ZNF184: variants seen among roughly 807,000 people sequenced by gnomAD.
The protein encoded by ZNF184 is zinc finger protein 184 (Kruppel-like).
ZNF184 carries 16 observed loss-of-function variants against 54.4 expected under a neutral mutation model. The observed-to-expected ratio is 0.29, with a 90% CI of 0.20 to 0.45. The LOEUF (loss-of-function observed/expected upper bound fraction) is 0.45. ZNF184 is among the 20% of genes least tolerant of loss of function. The pLI is 1.00. For synonymous variants in ZNF184, 254 were observed against 295.3 expected (o/e 0.86, Z 1.43); for missense variants, 681 against 888.2 (o/e 0.77, Z 2.97).
chr6:27,453,347 A>G lies in ZNF184; in HGVS notation c.299-87T>C. On this transcript the variant is annotated intron_variant, in intron 5 of 5. Coordinates refer to ENST00000683788, the MANE Select transcript of ZNF184 (RefSeq NM_001318891.2). The surrounding 1 kb of genome is among the most constrained non-coding windows in gnomAD (Gnocchi z 4.7). ...GAATAATATAATGATACTGAAAAAT[A>G]AATCTCTCAGAAAATTCTAATGGTT... 7.7e-7 allele frequency: 1 copy of G among 1,304,202 alleles called. No individual in the cohort carries two copies. Among genetic ancestry groups the G allele is most frequent in the Non-Finnish European group, 1.0e-6 (1 of 987,646 alleles). 80.8% of individuals were successfully genotyped at this position (1,304,202 alleles called of 1,614,324 possible).
chr6:27,434,249 T>G, the ZNF184 span, among the ~76,000 whole-genome samples: 1 of 152,212 alleles, frequency 6.6e-6, no homozygotes, highest in African/African-American at 2.4e-5. Context: ...GAGGAACTAC[T>G]GAATGGTTTT....
the ZNF184 span, among the ~76,000 whole-genome samples, chr6:27,444,581 T>A: frequency 2.0e-5 from 3 of 152,188 alleles, no homozygotes; most frequent in Non-Finnish European, 4.4e-5. Context: ...TCCAGTGTCT[T>A]ATTTCCTATT....
chr6:27,472,660 C>A lies in ZNF184; in HGVS notation c.-140+69G>T, dbSNP rs757783025. On this transcript the variant is annotated intron_variant, in intron 1 of 5. Coordinates refer to ENST00000683788, the MANE Select transcript of ZNF184 (RefSeq NM_001318891.2). This position sits in a 1 kb window ranked among gnomAD's most constrained non-coding sequence, Gnocchi z 4.8. ...AGAATCTGGCCGGGGCATCCACAGA[C>A]CTGGTGTGTTCCCTCTGTGCACACT... 4 of 283,248 alleles carry A rather than the reference C, an allele frequency of 1.4e-5. No homozygotes were observed. The highest frequency in any genetic ancestry group is 1.1e-3 in the Middle Eastern group (1 of 876). 17.5% of individuals were successfully genotyped at this position (283,248 alleles called of 1,614,324 possible).
At chr6:27,405,604 C>T in the ZNF184 span, 1 of 152,258 alleles carries the variant, frequency 6.6e-6, no homozygotes, top group African/African-American at 2.4e-5. Context: ...GGGACTTATA[C>T]TTAGCGTACT....
intron 4 of ZNF184, 50 bp downstream of exon 4, chr6:27,457,233 A>G: frequency 6.3e-7 from 1 of 1,591,968 alleles, no homozygotes; most frequent in South Asian, 1.1e-5. Context: ...ACAAGAGAGA[A>G]CCCTCCTCCT....
the ZNF184 span, among the ~76,000 whole-genome samples, chr6:27,443,709 AT>A: frequency 6.6e-6 from 1 of 151,994 alleles, no homozygotes; most frequent in African/African-American, 2.4e-5. Context: ...TTCAACTATA[AT>A]TTTTTCAGCC....
Position 27,451,073 on chromosome 6 carries a change from C to G in ZNF184, c.*230G>C, listed in dbSNP as rs1223026709. ...TTGAAATAATCTACTCCAAATCCTT[C>G]ATTCCATAAAGGAAACTAAAGCTTA... On this transcript the variant is annotated 3_prime_UTR_variant, in exon 6 of 6. Transcript: ENST00000683788. 1.1e-5 allele frequency: 5 copies of G among 435,362 alleles called. No individual in the cohort carries two copies. The highest frequency in any genetic ancestry group is 1.0e-4 in the African/African-American group (5 of 49,054). The allele number at this position is 435,362 out of a possible 1,614,324, so 27.0% of individuals were successfully genotyped here.
intron 3 of ZNF184, among the ~76,000 whole-genome samples, chr6:27,466,429 A>G (rs1763139222): frequency 1.3e-5 from 2 of 152,220 alleles, no homozygotes; most frequent in Admixed American, 1.3e-4. Flanking sequence ...ATTCTATAAA[A>G]CAATAGCAAA....
intron 3 of ZNF184, among the ~76,000 whole-genome samples, chr6:27,462,579 A>G (rs375447358): frequency 6.6e-6 from 1 of 150,624 alleles, no homozygotes; most frequent in African/African-American, 2.4e-5. Flanking sequence ...AAAGACTATC[A>G]GGCAGCTGGG....
chr6:27,423,789 C>T, the ZNF184 span, among the ~76,000 whole-genome samples: 1 of 152,168 alleles, frequency 6.6e-6, no homozygotes, highest in African/African-American at 2.4e-5. Flanking sequence ...ATAATTTATA[C>T]TTAACAAAAT....
chr6:27,472,139 C>T lies in ZNF184; in HGVS notation c.7+149G>A, dbSNP rs1158515697. 4.0e-6 allele frequency: 4 copies of T among 1,000,800 alleles called. No homozygotes were observed. Among genetic ancestry groups the T allele is most frequent in the Non-Finnish European group, 5.8e-6 (4 of 691,326 alleles). The allele number at this position is 1,000,800 out of a possible 1,614,324, so 62.0% of individuals were successfully genotyped here. On this transcript the variant is annotated intron_variant, in intron 2 of 5. Transcript: ENST00000683788. The surrounding 1 kb of genome is among the most constrained non-coding windows in gnomAD (Gnocchi z 4.8). The stretch of plus-strand genomic sequence containing the variant: ...TCTCTCTATAAAACAGAATCTCTCC[C>T]TACAATGTAATTCGGTTTCTTTGCT...
At chr6:27,461,842 GGA>G (rs34331973) in intron 3 of ZNF184, among the ~76,000 whole-genome samples, 63,685 of 151,678 alleles carry the variant, frequency 0.42, 13,975 homozygotes, top group South Asian at 0.56. Context: ...GTACTGGAGC[GGA>G]GAGAGCTACA....
At chr6:27,455,660 A>G (rs775396779) in intron 5 of ZNF184, among the ~76,000 whole-genome samples, 7 of 152,076 alleles carry the variant, frequency 4.6e-5, no homozygotes, top group African/African-American at 9.7e-5. Context: ...GGGGGTTGGG[A>G]GATGTTACAT....
intron 4 of ZNF184, 133 bp from the exon 5 acceptor site, chr6:27,457,054 T>G (rs1013463846): frequency 2.1e-6 from 2 of 954,264 alleles, no homozygotes; most frequent in Non-Finnish European, 3.1e-6. Flanking sequence ...CATATCAAGC[T>G]TTAGTGTTAC....
chr6:27,452,528 C>T lies in ZNF184; in HGVS notation c.1031G>A (p.Ser344Asn), dbSNP rs747331410. 1.7e-5 allele frequency: 27 copies of T among 1,613,984 alleles called. No individual in the cohort carries two copies. The highest frequency in any genetic ancestry group is 2.3e-5 in the Non-Finnish European group (27 of 1,180,038). ...ATGTTCCATAAAGTGGCCTCTCTGG[C>T]TAAAGGCTTTTCCACACTCATTACA... is the stretch of plus-strand genomic sequence containing the variant. The part of the protein sequence containing the change: ...YTCNECGKAF[S>N]QRGHFMEHQK... Residue 344 changes from serine to asparagine, a missense_variant, in exon 6 of 6, where the codon AGC (serine) becomes AAC (asparagine). Coordinates refer to ENST00000683788, the MANE Select transcript of ZNF184 (RefSeq NM_001318891.2). This position sits in a 1 kb window ranked among gnomAD's most constrained non-coding sequence, Gnocchi z 5.5.
At chr6:27,446,887 G>A (rs1199158490), downstream of ZNF184, among the ~76,000 whole-genome samples, 2 of 152,142 alleles carry the variant, frequency 1.3e-5, no homozygotes, top group African/African-American at 4.8e-5. Flanking sequence ...GCTCATGCCT[G>A]TAATCCCAGC....
At chr6:27,425,520 G>C in the ZNF184 span, among the ~76,000 whole-genome samples, 19 of 152,370 alleles carry the variant, frequency 1.2e-4, no homozygotes, top group African/African-American at 4.6e-4. Context: ...TAGGGGCAGG[G>C]ACTGCTGAAC....
At chr6:27,411,365 C>T in the ZNF184 span, among the ~76,000 whole-genome samples, 4 of 152,200 alleles carry the variant, frequency 2.6e-5, no homozygotes, top group African/African-American at 4.8e-5. Flanking sequence ...GGGGATGTTC[C>T]GAAAGCAAAC....
chr6:27,427,160 T>G, the ZNF184 span, among the ~76,000 whole-genome samples: 5 of 151,122 alleles, frequency 3.3e-5, no homozygotes, highest in East Asian at 7.7e-4. Flanking sequence ...AAAGTGTATT[T>G]ATATTTGCTT....
Sources: allele counts gnomAD v4.1 joint callset (sites outside exome capture counted in the v4.1 genomes callset), GRCh38; gene constraint gnomAD v4.1.1; non-coding constraint Gnocchi (gnomAD v3.1); transcripts MANE v1.5; gene names NCBI Gene and HGNC (gene_info 2026-07-23, HGNC 2026-07-21).